The following MEIKIN variants were observed in gnomAD, a reference collection of about 807,000 sequenced individuals.
MEIKIN encodes the protein meiosis-specific kinetochore protein.
At chr5:131,884,493 G>A (rs1417359067) in intron 8 of MEIKIN, among the ~76,000 whole-genome samples, 1 of 151,890 alleles carries the variant, frequency 6.6e-6, no homozygotes, top group Non-Finnish European at 1.5e-5. Flanking sequence ...TTCATCACCT[G>A]CTGATTAAAG....
chr5:131,897,392 T>C (rs1751071134), intron 8 of MEIKIN, among the ~76,000 whole-genome samples: 1 of 152,216 alleles, frequency 6.6e-6, no homozygotes, highest in Non-Finnish European at 1.5e-5. Context: ...AGGAGTATCT[T>C]TGTGGTGTTC....
chr5:131,886,412 G>A (rs1443798788), intron 8 of MEIKIN, among the ~76,000 whole-genome samples: 1 of 152,140 alleles, frequency 6.6e-6, no homozygotes, highest in African/African-American at 2.4e-5. Flanking sequence ...CTTAAGAGCA[G>A]CAAGAAAAAA....
chr5:131,944,434 C>G (rs1395285122), intron 3 of MEIKIN: 1 of 353,018 alleles, frequency 2.8e-6, no homozygotes, highest in African/African-American at 2.1e-5. Flanking sequence ...ATGGACGTTT[C>G]TCCAAAAACG....
chr5:131,899,216 AG>A (rs1263483200), intron 8 of MEIKIN, among the ~76,000 whole-genome samples: 1 of 152,212 alleles, frequency 6.6e-6, no homozygotes, highest in Non-Finnish European at 1.5e-5. Flanking sequence ...TAGTTTTATT[AG>A]TTTTCTTTTC....
intron 8 of MEIKIN, among the ~76,000 whole-genome samples, chr5:131,907,289 A>C (rs767561576): frequency 2.6e-5 from 4 of 152,060 alleles, no homozygotes; most frequent in Non-Finnish European, 4.4e-5. Context: ...ACTAAAAAAG[A>C]GCAAACCAAA....
intron 11 of MEIKIN, among the ~76,000 whole-genome samples, chr5:131,838,955 T>C (rs1749858138): frequency 6.6e-6 from 1 of 152,176 alleles, no homozygotes; most frequent in Admixed American, 6.6e-5. Context: ...AGGTTGTTAA[T>C]CTGAAATCTT....
intron 8 of MEIKIN, among the ~76,000 whole-genome samples, chr5:131,883,258 G>A (rs990067004): frequency 1.3e-5 from 2 of 152,162 alleles, no homozygotes; most frequent in African/African-American, 4.8e-5. Context: ...CTTAACCTCA[G>A]AGGAGAAGAG....
chr5:131,852,679 G>T (rs1218783713), intron 10 of MEIKIN, among the ~76,000 whole-genome samples: 2 of 152,020 alleles, frequency 1.3e-5, no homozygotes, highest in Admixed American at 1.3e-4. Flanking sequence ...GGGGGGATGA[G>T]GGCTGACTAT....
At chr5:131,854,707 G>C in intron 10 of MEIKIN, 47 bp downstream of exon 10, 1 of 397,112 alleles carries the variant, frequency 2.5e-6, no homozygotes, top group Non-Finnish European at 4.4e-6. Context: ...ATGGGGAGAG[G>C]AGGAGCCAGA....
chr5:131,932,752 C>T (rs1167110159), intron 5 of MEIKIN, among the ~76,000 whole-genome samples: 1 of 152,178 alleles, frequency 6.6e-6, no homozygotes, highest in East Asian at 1.9e-4. Context: ...GAATACATCT[C>T]CAGGCTCCCT....
At chr5:131,843,851 C>A (rs1749962301) in intron 11 of MEIKIN, among the ~76,000 whole-genome samples, 1 of 152,180 alleles carries the variant, frequency 6.6e-6, no homozygotes, top group Non-Finnish European at 1.5e-5. Flanking sequence ...TTTTCAGGTA[C>A]CTTTATAGCA....
rs1751942303 is a variant in MEIKIN, at chr5:131,945,251, TGA to T, written c.107-4_107-3del. The T allele has an allele frequency of 5.0e-6, 2 of 399,052 alleles. No homozygotes were observed. Among genetic ancestry groups the T allele is most frequent in the Non-Finnish European group, 4.4e-6 (1 of 226,148 alleles). The allele number at this position is 399,052 out of a possible 1,614,324, so 24.7% of individuals were successfully genotyped here. ...GCACTTTGCCTTTTCTCTTCGAACC[TGA>T]GAGAGGGCGGCACGTTTCAGGGCAA... is the stretch of plus-strand genomic sequence containing the variant. On this transcript the variant is annotated splice_polypyrimidine_tract_variant and splice_region_variant and intron_variant, in intron 1 of 12. Coordinates refer to ENST00000442687, the MANE Select transcript of MEIKIN (RefSeq NM_001303622.2).
intron 11 of MEIKIN, among the ~76,000 whole-genome samples, chr5:131,835,962 C>T (rs535128251): frequency 6.6e-6 from 1 of 152,226 alleles, no homozygotes; most frequent in Non-Finnish European, 1.5e-5. Context: ...AAACCCATAT[C>T]ATGGGGGTTT....
intron 11 of MEIKIN, among the ~76,000 whole-genome samples, chr5:131,849,737 T>C (rs1431173678): frequency 6.6e-6 from 1 of 151,490 alleles, no homozygotes; most frequent in African/African-American, 2.4e-5. Flanking sequence ...CATTCAATGG[T>C]GAAAGATGGA....
At chr5:131,904,978 C>G (rs1751219486) in intron 8 of MEIKIN, among the ~76,000 whole-genome samples, 1 of 151,926 alleles carries the variant, frequency 6.6e-6, no homozygotes, top group Admixed American at 6.6e-5. Context: ...CACACCAGGG[C>G]CTGTCGGGGG....
intron 5 of MEIKIN, among the ~76,000 whole-genome samples, chr5:131,928,057 T>C (rs926773654): frequency 6.9e-6 from 1 of 145,920 alleles, no homozygotes; most frequent in Admixed American, 7.1e-5. Context: ...GGCAGGAGAA[T>C]GGCATGAACC....
intron 9 of MEIKIN, among the ~76,000 whole-genome samples, chr5:131,863,048 T>C (rs1483582279): frequency 1.3e-5 from 2 of 152,206 alleles, no homozygotes; most frequent in African/African-American, 4.8e-5. Flanking sequence ...ATTGATCCAA[T>C]GATCATTCAG....
intron 12 of MEIKIN, among the ~76,000 whole-genome samples, chr5:131,809,784 G>A (rs1229365821): frequency 6.8e-6 from 1 of 148,138 alleles, no homozygotes; most frequent in African/African-American, 2.5e-5. Context: ...GCAACAGAGT[G>A]AGACTCTGTC....
chr5:131,895,942 T>A (rs1751041484), intron 8 of MEIKIN, among the ~76,000 whole-genome samples: 1 of 152,218 alleles, frequency 6.6e-6, no homozygotes, highest in Non-Finnish European at 1.5e-5. Flanking sequence ...TGAATTTGCT[T>A]GCTCTTGCTT....
Sources: gnomAD v4.1 joint callset for allele counts (sites outside exome capture counted in the v4.1 genomes callset) on GRCh38, gnomAD v4.1.1 for gene constraint, MANE v1.5 for transcripts, NCBI Gene and HGNC (gene_info 2026-07-23, HGNC 2026-07-21) for gene names.